The following ASZ1 variants were observed in gnomAD, a reference collection of about 807,000 sequenced individuals.
The protein encoded by ASZ1 is ankyrin repeat, SAM and basic leucine zipper domain-containing protein 1.
Under a neutral mutation model 61.8 loss-of-function variants are expected in ASZ1, and 67 were observed. The observed-to-expected ratio is 1.08, with a 90% confidence interval of 0.89 to 1.33. ASZ1 has a LOEUF of 1.33. Among genes scored for constraint, ASZ1 ranks in the 40% most tolerant of loss-of-function variants. ASZ1 has a pLI of 0.00. For synonymous variants in ASZ1, 193 were observed against 192.7 expected, an observed-to-expected ratio of 1.00 and a Z score of -0.01; for missense variants, 577 against 554.5, an observed-to-expected ratio of 1.04 and a Z score of -0.41.
chr7:117,425,255 A>ATTTTTT (rs1004795019), intron 2 of ASZ1, among the ~76,000 whole-genome samples: 16 of 86,678 alleles, frequency 1.8e-4, no homozygotes, highest in African/African-American at 5.1e-4. Flanking sequence ...CCTTTGAGTA[A>ATTTTTT]TTTCTTTTTT....
chr7:117,404,626 C>T (rs1198471268), intron 4 of ASZ1, among the ~76,000 whole-genome samples: 1 of 152,110 alleles, frequency 6.6e-6, no homozygotes, highest in Admixed American at 6.6e-5. Context: ...AACCAATTCA[C>T]TTTTGGGATC....
chr7:117,426,379 A>T (rs139395758), intron 2 of ASZ1, among the ~76,000 whole-genome samples: 3,107 of 149,184 alleles, frequency 0.021, 111 homozygotes, highest in African/African-American at 0.073. Flanking sequence ...AGTCCCAGCT[A>T]CTCAGGAGGG....
chr7:117,377,119 CAAAT>C (rs910509665), intron 10 of ASZ1, among the ~76,000 whole-genome samples: 42 of 152,002 alleles, frequency 2.8e-4, no homozygotes, highest in African/African-American at 8.7e-4. Context: ...CACATGGAAA[CAAAT>C]AAAAAGAGAA....
intron 4 of ASZ1, among the ~76,000 whole-genome samples, chr7:117,406,754 C>CA (rs57133101): frequency 0.13 from 18,483 of 140,186 alleles, 1,673 homozygotes; most frequent in East Asian, 0.47. Context: ...AACTCCATCT[C>CA]AAAAAAAAAA....
intron 6 of ASZ1, 86 bp downstream of exon 6, chr7:117,384,640 T>A: frequency 7.0e-7 from 1 of 1,427,634 alleles, no homozygotes; most frequent in Non-Finnish European, 9.5e-7. Flanking sequence ...AATTACACTT[T>A]TAATTCTAAC....
chr7:117,405,716 T>C (rs1158627515), intron 4 of ASZ1, among the ~76,000 whole-genome samples: 3 of 152,298 alleles, frequency 2.0e-5, no homozygotes, highest in East Asian at 1.9e-4. Flanking sequence ...GTGGGACCTC[T>C]ACTGACTCAA....
chr7:117,363,620 G>A lies in ASZ1; in HGVS notation c.1404C>T (p.Cys468=). 1 of 1,600,596 alleles carries A rather than the reference G, an allele frequency of 6.2e-7. No individual in the cohort carries two copies. The highest frequency in any genetic ancestry group is 8.5e-7 in the Non-Finnish European group (1 of 1,174,750). ...ICGFGFLLFI[C]KLTFQRK is the part of the protein sequence containing the mutation. ...ATTATTTCCTCTGGAAAGTTAGCTTGCAAATGAAAAGAAGAAAACCGAATC... is the reference window on the plus strand; with the variant it reads ...ATTATTTCCTCTGGAAAGTTAGCTTACAAATGAAAAGAAGAAAACCGAATC... The change falls in exon 13 of 13, where the codon TGC becomes TGT. Residue 468 remains cysteine (C), a synonymous_variant. Transcript: ENST00000284629.
At chr7:117,383,795 G>A (rs1300613122) in intron 6 of ASZ1, among the ~76,000 whole-genome samples, 1 of 151,916 alleles carries the variant, frequency 6.6e-6, no homozygotes, top group East Asian at 1.9e-4. Flanking sequence ...ATTTAACAAT[G>A]TAATAAAATA....
chr7:117,383,898 T>G (rs1050272299), intron 6 of ASZ1, among the ~76,000 whole-genome samples: 3 of 152,062 alleles, frequency 2.0e-5, no homozygotes, highest in African/African-American at 7.2e-5. Context: ...GTTTATCCTA[T>G]AAAAATTCTG....
At chr7:117,398,228 T>C (rs935276116) in intron 4 of ASZ1, among the ~76,000 whole-genome samples, 14 of 152,216 alleles carry the variant, frequency 9.2e-5, no homozygotes, top group Admixed American at 3.3e-4. Flanking sequence ...TTGTGCATTT[T>C]GCTCAACTCT....
At chr7:117,399,421 T>C (rs1313130232) in intron 4 of ASZ1, among the ~76,000 whole-genome samples, 9 of 152,208 alleles carry the variant, frequency 5.9e-5, no homozygotes, top group Admixed American at 5.9e-4. Context: ...AATCTTCCTA[T>C]ATTGTAAATG....
At chr7:117,425,259 C>CTTTTTTTTTTTTTTT (rs71148368) in intron 2 of ASZ1, among the ~76,000 whole-genome samples, 2 of 93,866 alleles carry the variant, frequency 2.1e-5, no homozygotes, top group South Asian at 4.2e-4. Context: ...TGAGTAATTT[C>CTTTTTTTTTTTTTTT]TTTTTTTTTT....
rs779779355 is a variant in ASZ1 at position 117,427,432 on chromosome 7, G to A, written c.29C>T (p.Pro10Leu). MAASALRGL[P>L]VAGGGESSES... ...GCTACTCTCGCCTCCGCCAGCCACT[G>A]GCAGGCCTCGCAGCGCGCTCGCCGC... is the stretch of plus-strand genomic sequence containing the variant. The change falls in exon 1 of 13, where the codon CCA (proline) becomes CTA (leucine). Residue 10 changes from proline (P) to leucine (L), a missense_variant. By Grantham distance (98) the Pro-to-Leu change is moderately conservative (BLOSUM62 -3). Coordinates refer to ENST00000284629, the MANE Select transcript of ASZ1 (RefSeq NM_130768.3). The A allele has an allele frequency of 1.4e-5, 23 of 1,614,054 alleles. No individual in the cohort carries two copies. The highest frequency in any genetic ancestry group is 4.5e-5 in the East Asian group (2 of 44,876).
chr7:117,412,043 T>G (rs1796905585), intron 4 of ASZ1, among the ~76,000 whole-genome samples: 1 of 110,258 alleles, frequency 9.1e-6, no homozygotes, highest in Non-Finnish European at 1.9e-5. Context: ...AAAAGAAGTG[T>G]GTGTGTGTGT....
intron 10 of ASZ1, among the ~76,000 whole-genome samples, chr7:117,376,098 T>A (rs530564134): frequency 3.3e-5 from 5 of 151,394 alleles, no homozygotes; most frequent in Admixed American, 1.3e-4. Flanking sequence ...AAGACAGAAA[T>A]CGCCAATATA....
chr7:117,425,920 C>G (rs1366256493), intron 2 of ASZ1, among the ~76,000 whole-genome samples: 1 of 151,926 alleles, frequency 6.6e-6, no homozygotes, highest in African/African-American at 2.4e-5. Flanking sequence ...AATCCCGGCC[C>G]CCAGATGGAG....
At chr7:117,391,845 T>C (rs1796476205) in intron 4 of ASZ1, among the ~76,000 whole-genome samples, 1 of 152,088 alleles carries the variant, frequency 6.6e-6, no homozygotes. Context: ...CAGGCTGGAG[T>C]GCAGTGGCAT....
chr7:117,427,078 G>A (rs1443697204), intron 1 of ASZ1, 143 bp from the exon 2 acceptor site: 3 of 1,010,836 alleles, frequency 3.0e-6, no homozygotes, highest in African/African-American at 1.6e-5. Context: ...AAAAGAATTC[G>A]TGTCGAAAAT....
intron 2 of ASZ1, among the ~76,000 whole-genome samples, chr7:117,425,423 G>A (rs1242733410): frequency 2.0e-5 from 3 of 151,446 alleles, no homozygotes; most frequent in African/African-American, 4.8e-5. Context: ...CCGCCACCAC[G>A]CCCAGCTAAT....
Sources: gnomAD v4.1 joint callset for allele counts (sites outside exome capture counted in the v4.1 genomes callset) on GRCh38, gnomAD v4.1.1 for gene constraint, MANE v1.5 for transcripts, NCBI Gene and HGNC (gene_info 2026-07-23, HGNC 2026-07-21) for gene names.